NUBPL: variants seen among roughly 807,000 people sequenced by gnomAD.
The protein encoded by NUBPL is iron-sulfur cluster transfer protein NUBPL.
NUBPL carries 31 observed loss-of-function variants against 45.7 expected under a neutral mutation model. The ratio of observed to expected loss-of-function variants is 0.68; its 90% CI spans 0.51 to 0.92. The LOEUF is 0.92. Ranked by LOEUF, NUBPL falls within the 40% of genes least tolerant of loss-of-function variation. The probability of loss-of-function intolerance (pLI) is 0.00; values close to 1 mark genes in which losing one functional copy is unlikely to be tolerated. For missense variants in NUBPL, 401 were observed against 398.7 expected, an observed-to-expected ratio of 1.01 and a Z score of -0.05; for synonymous variants, 144 against 140.9, an observed-to-expected ratio of 1.02 and a Z score of -0.15.
intron 6 of NUBPL, among the ~76,000 whole-genome samples, chr14:31,746,233 A>G (rs1403515577): frequency 6.6e-6 from 1 of 152,000 alleles, no homozygotes; most frequent in East Asian, 1.9e-4. Context: ...GTGTGGAATA[A>G]GAGTGGCAAG....
At chr14:31,562,754 A>C (rs537858577) in intron 2 of NUBPL, 7 of 151,060 alleles carry the variant, frequency 4.6e-5, no homozygotes, top group African/African-American at 1.7e-4. Context: ...ACAGGCGCCC[A>C]CCACCACGCC....
intron 4 of NUBPL, among the ~76,000 whole-genome samples, chr14:31,614,579 TA>T (rs1036410922): frequency 2.0e-5 from 3 of 152,196 alleles, no homozygotes; most frequent in Admixed American, 6.5e-5. Context: ...ATGATTTTCT[TA>T]AAAAATTATG....
intron 3 of NUBPL, among the ~76,000 whole-genome samples, chr14:31,567,940 C>T (rs1408937289): frequency 6.6e-6 from 1 of 152,172 alleles, no homozygotes; most frequent in African/African-American, 2.4e-5. Flanking sequence ...CTAGAATTTT[C>T]CACTTCTAAC....
At chr14:31,790,574 G>A (rs529377473) in intron 7 of NUBPL, among the ~76,000 whole-genome samples, 35 of 152,262 alleles carry the variant, frequency 2.3e-4, no homozygotes, top group East Asian at 1.9e-3. Flanking sequence ...CTCTCTGGCC[G>A]GATGTGGTGG....
intron 6 of NUBPL, among the ~76,000 whole-genome samples, chr14:31,674,632 CT>C (rs1373489709): frequency 6.6e-6 from 1 of 152,088 alleles, no homozygotes; most frequent in African/African-American, 2.4e-5. Context: ...TTCTGTACTT[CT>C]AAATACTATC....
chr14:31,562,473 G>A (rs1165382949), intron 2 of NUBPL, among the ~76,000 whole-genome samples: 3 of 151,966 alleles, frequency 2.0e-5, no homozygotes, highest in Non-Finnish European at 4.4e-5. Context: ...TCACTTAACT[G>A]TAAAATGGAG....
chr14:31,733,175 A>G (rs1397419134), intron 6 of NUBPL, among the ~76,000 whole-genome samples: 1 of 152,162 alleles, frequency 6.6e-6, no homozygotes, highest in Non-Finnish European at 1.5e-5. Flanking sequence ...AAATGTTTAT[A>G]TATATAGATA....
intron 6 of NUBPL, among the ~76,000 whole-genome samples, chr14:31,711,074 G>T (rs2037559634): frequency 6.6e-6 from 1 of 152,218 alleles, no homozygotes; most frequent in South Asian, 2.1e-4. Context: ...GACCCAGGAG[G>T]CAAGGGTCAG....
chr14:31,783,173 A>G (rs1308180668), intron 6 of NUBPL, among the ~76,000 whole-genome samples: 1 of 152,186 alleles, frequency 6.6e-6, no homozygotes, highest in Non-Finnish European at 1.5e-5. Context: ...AGCATAGGGT[A>G]ATGAGGTGTG....
At chr14:31,845,493 C>G (rs138224482) in intron 8 of NUBPL, 1 of 152,134 alleles carries the variant, frequency 6.6e-6, no homozygotes, top group Non-Finnish European at 1.5e-5. Flanking sequence ...GAAACCCTGT[C>G]GCTACTAAAA....
intron 4 of NUBPL, among the ~76,000 whole-genome samples, chr14:31,619,425 G>A (rs750954990): frequency 1.3e-5 from 2 of 152,226 alleles, no homozygotes; most frequent in Non-Finnish European, 2.9e-5. Context: ...GCTGTTACCA[G>A]TGATTCCTTT....
chr14:31,837,269 T>C (rs1488129358), intron 8 of NUBPL, among the ~76,000 whole-genome samples: 2 of 152,138 alleles, frequency 1.3e-5, no homozygotes, highest in African/African-American at 4.8e-5. Flanking sequence ...TGTTTGAGGC[T>C]TCAGTGAGCC....
intron 4 of NUBPL, among the ~76,000 whole-genome samples, chr14:31,669,625 G>A (rs554778282): frequency 6.6e-5 from 10 of 151,694 alleles, no homozygotes; most frequent in East Asian, 1.9e-4. Context: ...CGATTTTCCC[G>A]TCAAGTAGAC....
At chr14:31,606,820 T>C (rs931156188) in intron 4 of NUBPL, among the ~76,000 whole-genome samples, 1 of 152,196 alleles carries the variant, frequency 6.6e-6, no homozygotes, top group African/African-American at 2.4e-5. Flanking sequence ...ACCTCTTCAC[T>C]GTAGGGAAAA....
intron 7 of NUBPL, among the ~76,000 whole-genome samples, chr14:31,806,701 C>T (rs961466539): frequency 2.0e-5 from 3 of 151,940 alleles, no homozygotes; most frequent in Non-Finnish European, 2.9e-5. Context: ...ATACATGTGC[C>T]GTGTTGGTTA....
intron 6 of NUBPL, among the ~76,000 whole-genome samples, chr14:31,785,509 A>T (rs373200384): frequency 6.6e-6 from 1 of 152,318 alleles, no homozygotes; most frequent in Non-Finnish European, 1.5e-5. Context: ...CGCTTGAATC[A>T]TCCTGAAACT....
intron 7 of NUBPL, among the ~76,000 whole-genome samples, chr14:31,817,824 T>G (rs1289296564): frequency 6.6e-6 from 1 of 152,136 alleles, no homozygotes; most frequent in Non-Finnish European, 1.5e-5. Flanking sequence ...TAACCTTAAA[T>G]GTAAGTGGGG....
Position 31,565,843 on chromosome 14 carries a change from A to G in NUBPL, c.291+795A>G, listed in dbSNP as rs34795285. On this transcript the variant is annotated intron_variant, in intron 3 of 10. Coordinates refer to ENST00000281081, the MANE Select transcript of NUBPL (RefSeq NM_025152.3). Reference sequence around the variant, plus strand: ...TAAAAGTTTGCTTGTAAAAAATTTCAGTTCCATTCTTTTCCTTGGGAGAAG... The same window carrying G: ...TAAAAGTTTGCTTGTAAAAAATTTCGGTTCCATTCTTTTCCTTGGGAGAAG... Among the ~76,000 whole-genome samples the G allele has an allele frequency of 4.1e-3, 630 of 152,196 alleles. 5 individuals carry two copies. Among genetic ancestry groups the G allele is most frequent in the African/African-American group, 0.014 (586 of 41,540 alleles).
At chr14:31,588,420 T>C (rs1055494941) in intron 3 of NUBPL, among the ~76,000 whole-genome samples, 6 of 151,722 alleles carry the variant, frequency 4.0e-5, no homozygotes, top group Non-Finnish European at 7.4e-5. Flanking sequence ...TCTCTCTCTT[T>C]TTTTTTTGGT....
Sources: gnomAD v4.1 joint callset for allele counts (sites outside exome capture counted in the v4.1 genomes callset) on GRCh38, gnomAD v4.1.1 for gene constraint, MANE v1.5 for transcripts, NCBI Gene and HGNC (gene_info 2026-07-23, HGNC 2026-07-21) for gene names.